Variants in OSBPL8 observed in about 807,000 individuals in gnomAD.
The protein encoded by OSBPL8 is oxysterol binding protein like 8.
In OSBPL8, 59 loss-of-function variants were observed where a neutral mutation model predicts 125.5. That is an observed-to-expected ratio of 0.47 (90% CI 0.38 to 0.58). The LOEUF (loss-of-function observed/expected upper bound fraction) is 0.58. Among genes scored for constraint, OSBPL8 ranks in the 20% least tolerant of loss-of-function variants. OSBPL8 has a pLI of 0.00. For missense variants in OSBPL8, 758 were observed against 1,047.8 expected (o/e 0.72, Z 3.82); for synonymous variants, 330 against 338.9 (o/e 0.97, Z 0.29).
Position 76,353,723 on chromosome 12 carries a change from T to C in OSBPL8, c.*2166A>G, listed in dbSNP as rs1300877486. The C allele has an allele frequency of 2.0e-5, 3 of 152,426 alleles. No homozygotes were observed. Among genetic ancestry groups the C allele is most frequent in the African/African-American group, 7.2e-5 (3 of 41,454 alleles). 9.4% of individuals were successfully genotyped at this position (152,426 alleles called of 1,614,324 possible). A position where few individuals can be genotyped will look rare whatever the true frequency, so the allele number is the denominator to read the frequency against. On this transcript the variant is annotated 3_prime_UTR_variant, in exon 24 of 24. Coordinates refer to ENST00000261183, the MANE Select transcript of OSBPL8 (RefSeq NM_020841.5). ...AAAGAGACTCATACAACTAAAAGCA[T>C]AATAAGAGGACTATTAGATTAGATG...
At chr12:76,358,383 T>C (rs2136127073) in intron 22 of OSBPL8, among the ~76,000 whole-genome samples, 1 of 152,196 alleles carries the variant, frequency 6.6e-6, no homozygotes, top group East Asian at 1.9e-4. Context: ...GGTTTCCCCA[T>C]GTTAGCCAGG....
chr12:76,512,597 G>A (rs1423521348), intron 1 of OSBPL8, among the ~76,000 whole-genome samples: 11 of 152,038 alleles, frequency 7.2e-5, no homozygotes, highest in South Asian at 2.1e-4. Context: ...ACCCTGTAGC[G>A]TAGTTTGAAG....
chr12:76,412,584 C>G (rs1488568465), intron 4 of OSBPL8, among the ~76,000 whole-genome samples: 1 of 152,008 alleles, frequency 6.6e-6, no homozygotes, highest in Non-Finnish European at 1.5e-5. Context: ...GATATTTATA[C>G]TAATTAACAC....
intron 1 of OSBPL8, among the ~76,000 whole-genome samples, chr12:76,535,584 T>C (rs1042055548): frequency 6.6e-6 from 1 of 152,198 alleles, no homozygotes; most frequent in African/African-American, 2.4e-5. Context: ...AATTTGTACA[T>C]GGATGTTCAC....
intron 1 of OSBPL8, among the ~76,000 whole-genome samples, chr12:76,504,152 G>GACTGCAACATC (rs1348641392): frequency 3.3e-5 from 5 of 149,860 alleles, no homozygotes; most frequent in Non-Finnish European, 7.4e-5. Context: ...TCAGACTCAA[G>GACTGCAACATC]ACTGCAACAT....
At chr12:76,512,309 C>CT (rs1229609628) in intron 1 of OSBPL8, among the ~76,000 whole-genome samples, 2 of 152,150 alleles carry the variant, frequency 1.3e-5, no homozygotes, top group Non-Finnish European at 2.9e-5. Context: ...TGATCTAGTT[C>CT]TTTTTTATGG....
chr12:76,453,770 A>G (rs942983714), intron 3 of OSBPL8, among the ~76,000 whole-genome samples: 2 of 152,290 alleles, frequency 1.3e-5, no homozygotes, highest in Middle Eastern at 3.4e-3. Flanking sequence ...CTGAAAAGGC[A>G]CAAAATAAGA....
rs565614519 is a variant in OSBPL8 at position 76,393,437 on chromosome 12, G to A, written c.758-685C>T. 1.5e-3 allele frequency among the ~76,000 whole-genome samples: 224 copies of A among 152,220 alleles called. 1 individual carries two copies. The highest frequency in any genetic ancestry group is 3.4e-3 in the Middle Eastern group (1 of 294). The stretch of plus-strand genomic sequence containing the variant: ...AATTTAAAAAAATCATCGGCCAGGC[G>A]CGGTGGCTCACGCCCGTAATCCCAG... On this transcript the variant is annotated intron_variant, in intron 9 of 23. Transcript: ENST00000261183.
At position 76,559,600 on chromosome 12, in the gene OSBPL8, G is replaced by A. The variant is rs1474384492; in HGVS notation, c.-271C>T. 2 of 152,226 alleles carry A rather than the reference G, an allele frequency of 1.3e-5. No homozygotes were observed. The highest frequency in any genetic ancestry group is 4.8e-5 in the African/African-American group (2 of 41,456). 9.4% of individuals were successfully genotyped at this position (152,226 alleles called of 1,614,324 possible). ...CACTGCCGGCTCAGCCCCCGAGCGGGGCGGGAACTTTCGGCCCCGAGGTCC... is the reference window on the plus strand; with the variant it reads ...CACTGCCGGCTCAGCCCCCGAGCGGAGCGGGAACTTTCGGCCCCGAGGTCC... On this transcript the variant is annotated 5_prime_UTR_variant, in exon 1 of 24. Transcript: ENST00000261183.
chr12:76,448,289 AC>A (rs1285614578), intron 4 of OSBPL8, among the ~76,000 whole-genome samples: 1 of 152,190 alleles, frequency 6.6e-6, no homozygotes. Flanking sequence ...TTGCCTGAAA[AC>A]ATTCATAATA....
chr12:76,374,221 T>C (rs917491267), intron 17 of OSBPL8, among the ~76,000 whole-genome samples: 2 of 152,142 alleles, frequency 1.3e-5, no homozygotes, highest in African/African-American at 4.8e-5. Context: ...TATACTATTG[T>C]TCAAGAACAA....
chr12:76,403,390 A>T (rs1204446050), intron 5 of OSBPL8, among the ~76,000 whole-genome samples: 1 of 152,212 alleles, frequency 6.6e-6, no homozygotes, highest in Non-Finnish European at 1.5e-5. Flanking sequence ...TAATCTTCAC[A>T]AGAATCTTGA....
intron 12 of OSBPL8, among the ~76,000 whole-genome samples, chr12:76,388,934 G>A (rs1384084395): frequency 6.6e-6 from 1 of 151,958 alleles, no homozygotes; most frequent in Non-Finnish European, 1.5e-5. Context: ...AAATTAGGTC[G>A]CAGGGCCAGA....
At chr12:76,410,059 T>A (rs946863587) in intron 5 of OSBPL8, among the ~76,000 whole-genome samples, 1 of 149,934 alleles carries the variant, frequency 6.7e-6, no homozygotes, top group African/African-American at 2.4e-5. Flanking sequence ...AGAAAAAAAA[T>A]GCTTAACAGG....
chr12:76,402,864 T>C (rs1456101022), intron 5 of OSBPL8, 98 bp from the exon 6 acceptor site: 3 of 784,258 alleles, frequency 3.8e-6, no homozygotes, highest in African/African-American at 1.8e-5. Context: ...TTCTCATTTA[T>C]TGCTATGATT....
intron 1 of OSBPL8, among the ~76,000 whole-genome samples, chr12:76,516,704 AAAAC>A (rs1881567389): frequency 6.6e-6 from 1 of 152,262 alleles, no homozygotes; most frequent in South Asian, 2.1e-4. Context: ...AAAAAAGGTA[AAAAC>A]AGACAGCAGA....
intron 2 of OSBPL8, among the ~76,000 whole-genome samples, chr12:76,465,495 G>A (rs577388728): frequency 0.012 from 1,880 of 152,182 alleles, 22 homozygotes; most frequent in Non-Finnish European, 0.019. Context: ...GGGAGGCGGA[G>A]CTTACAGTGA....
intron 2 of OSBPL8, among the ~76,000 whole-genome samples, chr12:76,461,243 G>T (rs772448364): frequency 5.9e-5 from 9 of 152,106 alleles, no homozygotes; most frequent in Non-Finnish European, 1.2e-4. Context: ...TCTCTTCTGG[G>T]ATTAGATTAT....
intron 8 of OSBPL8, 125 bp downstream of exon 8, chr12:76,397,569 G>T: frequency 1.0e-6 from 1 of 958,204 alleles, no homozygotes; most frequent in Non-Finnish European, 1.5e-6. Context: ...GGGGAATAAT[G>T]CAATGGAAAG....
Sources: allele counts gnomAD v4.1 joint callset (sites outside exome capture counted in the v4.1 genomes callset), GRCh38; gene constraint gnomAD v4.1.1; transcripts MANE v1.5; gene names NCBI Gene and HGNC (gene_info 2026-07-23, HGNC 2026-07-21).